Variants in SIDT1 observed in about 807,000 individuals in gnomAD.
SIDT1 encodes the protein SID1 transmembrane family, member 1.
A neutral mutation model predicts 107.5 loss-of-function variants in SIDT1; 101 were observed. The ratio of observed to expected loss-of-function variants is 0.94; its 90% CI spans 0.80 to 1.11. SIDT1 has a LOEUF of 1.11. SIDT1 is among the 50% of genes least tolerant of loss of function. SIDT1 has a pLI of 0.00. For missense variants in SIDT1, 1,076 were observed against 1,058.2 expected, an observed-to-expected ratio of 1.02 and a Z score of -0.23; for synonymous variants, 395 against 398.2, an observed-to-expected ratio of 0.99 and a Z score of 0.10.
chr3:113,560,134 A>C (rs1396661325), intron 1 of SIDT1, among the ~76,000 whole-genome samples: 3 of 152,170 alleles, frequency 2.0e-5, no homozygotes. Context: ...TGGTTGGAGT[A>C]GATGGTCTCC....
intron 1 of SIDT1, among the ~76,000 whole-genome samples, chr3:113,542,664 A>C (rs2107604478): frequency 6.6e-6 from 1 of 152,222 alleles, no homozygotes; most frequent in Middle Eastern, 3.4e-3. Context: ...TTACCTTTAG[A>C]AGGGAAGGGA....
At chr3:113,624,223 G>A (rs1161633240) in intron 23 of SIDT1, among the ~76,000 whole-genome samples, 9 of 152,116 alleles carry the variant, frequency 5.9e-5, no homozygotes, top group Non-Finnish European at 1.2e-4. Context: ...CTGTCACTCC[G>A]GAAAGAAACC....
intron 20 of SIDT1, 27 bp downstream of exon 20, chr3:113,616,203 G>A: frequency 1.9e-6 from 3 of 1,550,556 alleles, no homozygotes; most frequent in South Asian, 1.1e-5. Flanking sequence ...GTGTTCTTTG[G>A]CCCTGTCCCA....
At chr3:113,601,926 C>A in intron 11 of SIDT1, 1 of 353,138 alleles carries the variant, frequency 2.8e-6, no homozygotes, top group South Asian at 5.1e-5. Flanking sequence ...CTAAGGCCCC[C>A]TAGGGACTTT....
chr3:113,536,624 A>G (rs1167492686), intron 1 of SIDT1, among the ~76,000 whole-genome samples: 2 of 152,228 alleles, frequency 1.3e-5, no homozygotes, highest in Non-Finnish European at 2.9e-5. Context: ...TGCATCTCCC[A>G]TACCAAACTG....
downstream of SIDT1, among the ~76,000 whole-genome samples, chr3:113,632,478 C>T (rs1947100617): frequency 6.6e-6 from 1 of 152,150 alleles, no homozygotes; most frequent in African/African-American, 2.4e-5. Flanking sequence ...GGAAACAGGA[C>T]ATATTTAGGC....
At chr3:113,616,035 C>A in intron 19 of SIDT1, 65 bp from the exon 20 acceptor site, 1 of 1,125,926 alleles carries the variant, frequency 8.9e-7, no homozygotes, top group Non-Finnish European at 1.4e-6. Context: ...AAACCTTGGG[C>A]CACTTCAGAG....
chr3:113,558,094 A>T (rs1560031445), intron 1 of SIDT1, among the ~76,000 whole-genome samples: 1 of 152,232 alleles, frequency 6.6e-6, no homozygotes, highest in Non-Finnish European at 1.5e-5. Context: ...GAGTAAGTGT[A>T]GACCATGGCA....
At chr3:113,579,984 CTT>C (rs1305781695) in intron 4 of SIDT1, among the ~76,000 whole-genome samples, 3 of 152,190 alleles carry the variant, frequency 2.0e-5, no homozygotes, top group African/African-American at 7.2e-5. Flanking sequence ...TTGAAAAACA[CTT>C]TTAAAAGATA....
intron 1 of SIDT1, among the ~76,000 whole-genome samples, chr3:113,549,166 T>C (rs1045796273): frequency 6.6e-6 from 1 of 152,216 alleles, no homozygotes; most frequent in Admixed American, 6.5e-5. Context: ...TTGAAGGACA[T>C]CTGGTTGCTA....
downstream of SIDT1, among the ~76,000 whole-genome samples, chr3:113,634,126 A>G (rs557013955): frequency 3.3e-5 from 5 of 152,230 alleles, no homozygotes; most frequent in South Asian, 1.0e-3. Context: ...ATCTAGAGAG[A>G]AGGATAATTG....
Position 113,612,080 on chromosome 3 carries a change from T to C in SIDT1, c.1858-6T>C, listed in dbSNP as rs563478692. On this transcript the variant is annotated splice_polypyrimidine_tract_variant and splice_region_variant and intron_variant, in intron 18 of 24. Coordinates refer to ENST00000264852, the MANE Select transcript of SIDT1 (RefSeq NM_017699.3). ...AGATGAAGGTAACTTCCATCTTTAC[T>C]CCTAGGTGTTTGGAAAAAATGACGT... 5.6e-6 allele frequency: 9 copies of C among 1,610,070 alleles called. No individual in the cohort carries two copies. The African/African-American group carries it at 6.7e-5, about 12-fold the overall frequency.
At chr3:113,540,620 C>T (rs368466511) in intron 1 of SIDT1, among the ~76,000 whole-genome samples, 1 of 152,122 alleles carries the variant, frequency 6.6e-6, no homozygotes, top group African/African-American at 2.4e-5. Context: ...GATATTGCAT[C>T]TTAATTTTGT....
chr3:113,602,842 T>C, intron 11 of SIDT1, 163 bp from the exon 12 acceptor site: 3 of 597,528 alleles, frequency 5.0e-6, no homozygotes, highest in Non-Finnish European at 8.1e-6. Flanking sequence ...TAAAAGTCCA[T>C]TGAGAAGGAA....
intron 10 of SIDT1, among the ~76,000 whole-genome samples, chr3:113,599,626 A>G (rs969963961): frequency 6.6e-6 from 1 of 152,216 alleles, no homozygotes; most frequent in East Asian, 1.9e-4. Context: ...AGTGGAATAC[A>G]CCAGACACAG....
rs1944969309 is a variant in SIDT1 at position 113,601,651 on chromosome 3, G to A, written c.1109G>A (p.Gly370Glu). The change falls in exon 11 of 25, where the codon GGG becomes GAG. Residue 370 changes from glycine to glutamate, a missense_variant. By Grantham distance (98) the Gly-to-Glu change is moderately conservative. Transcript: ENST00000264852. ...AASTPEGSNY[G>E]TIDESSSSPG... is the part of the protein sequence containing the mutation. ...AGCACACCCGAAGGGAGCAATTATG[G>A]GACAATAGGTATGTCCTACCAGGTC... 4 of 1,611,612 alleles carry A rather than the reference G, an allele frequency of 2.5e-6. No individual in the cohort carries two copies. The Admixed American group carries it at 5.0e-5, about 20-fold the overall frequency.
rs374570290 is a variant in SIDT1, at chr3:113,566,647, A to G, written c.344+106A>G. ...TGAAAGGAAAAATCAGACATTTGGA[A>G]TGTCAAGACATTCTGCATACGGGGT... is the stretch of plus-strand genomic sequence containing the variant. On this transcript the variant is annotated intron_variant, in intron 2 of 24. Transcript: ENST00000264852. 47 of 1,278,244 alleles carry G rather than the reference A, an allele frequency of 3.7e-5. No homozygotes were observed. The African/African-American group carries it at 6.4e-4, about 17-fold the overall frequency. The allele number at this position is 1,278,244 out of a possible 1,614,324, so 79.2% of individuals were successfully genotyped here.
Position 113,611,093 on chromosome 3 carries a change from C to A in SIDT1, c.1806C>A (p.Tyr602Ter). 1 of 1,614,174 alleles carries A rather than the reference C, an allele frequency of 6.2e-7. No individual in the cohort carries two copies. Among genetic ancestry groups the A allele is most frequent in the Non-Finnish European group, 8.5e-7 (1 of 1,180,014 alleles). The part of the protein sequence containing the change: ...TRHPDINASA[Y>*]SAYASFAVVI... ...ACCCAGACATCAATGCCAGCGCCTA[C>A]TCTGCCTATGCCTCCTTTGCTGTGG... Residue 602 changes from tyrosine to a stop codon, truncating the protein, a stop_gained, in exon 18 of 25, where the codon TAC becomes TAA. Coordinates refer to ENST00000264852, the MANE Select transcript of SIDT1 (RefSeq NM_017699.3). LOFTEE classifies it high-confidence loss of function.
intron 9 of SIDT1, 174 bp from the exon 10 acceptor site, chr3:113,592,831 C>T: frequency 1.7e-6 from 1 of 590,160 alleles, no homozygotes. Context: ...TGTGATCCGC[C>T]TGCCTTGGCC....
Sources: allele counts gnomAD v4.1 joint callset (sites outside exome capture counted in the v4.1 genomes callset), GRCh38; gene constraint gnomAD v4.1.1; transcripts MANE v1.5; gene names NCBI Gene and HGNC (gene_info 2026-07-23, HGNC 2026-07-21).